Variants in WWOX observed in about 807,000 individuals in gnomAD.
WWOX encodes WW domain containing oxidoreductase.
In WWOX, 69 loss-of-function variants were observed where a neutral mutation model predicts 46.2. The ratio of observed to expected loss-of-function variants is 1.49; its 90% confidence interval spans 1.23 to 1.82. The LOEUF (loss-of-function observed/expected upper bound fraction) is 1.82. WWOX is among the 40% of genes most tolerant of loss of function. The pLI, the probability that WWOX is intolerant of heterozygous loss-of-function variation, is 0.00. For missense variants in WWOX, 919 were observed against 542.6 expected, an observed-to-expected ratio of 1.69 and a Z score of -6.89; for synonymous variants, 359 against 202.6, an observed-to-expected ratio of 1.77 and a Z score of -6.56.
intron 8 of WWOX, among the ~76,000 whole-genome samples, chr16:78,647,650 AG>A (rs1452580866): frequency 2.0e-5 from 3 of 152,236 alleles, no homozygotes; most frequent in Non-Finnish European, 4.4e-5. Flanking sequence ...GAGTGCTGAC[AG>A]GCACATCAAC....
chr16:78,659,426 G>A (rs954054268), intron 8 of WWOX, among the ~76,000 whole-genome samples: 1 of 151,936 alleles, frequency 6.6e-6, no homozygotes, highest in Non-Finnish European at 1.5e-5. Flanking sequence ...GCCCCACCCC[G>A]CCAGACTTCC....
At chr16:78,919,632 C>T (rs1421905249) in intron 8 of WWOX, among the ~76,000 whole-genome samples, 3 of 151,658 alleles carry the variant, frequency 2.0e-5, no homozygotes, top group Non-Finnish European at 2.9e-5. Context: ...ATTCTCCTGC[C>T]TCATGCTCCC....
At chr16:78,812,735 T>C (rs1012940776) in intron 8 of WWOX, among the ~76,000 whole-genome samples, 1 of 147,830 alleles carries the variant, frequency 6.8e-6, no homozygotes, top group Admixed American at 6.8e-5. Flanking sequence ...TCCCACCCCC[T>C]AAAAAAAAAA....
intron 8 of WWOX, among the ~76,000 whole-genome samples, chr16:78,718,423 G>A (rs772696758): frequency 6.6e-6 from 1 of 151,840 alleles, no homozygotes; most frequent in South Asian, 2.1e-4. Context: ...ATGTTTTTTT[G>A]CTCACTTGAG....
intron 8 of WWOX, among the ~76,000 whole-genome samples, chr16:78,809,887 C>G (rs940507093): frequency 7.9e-5 from 12 of 152,164 alleles, no homozygotes; most frequent in African/African-American, 2.7e-4. Context: ...TATGAGCTTT[C>G]CCTCCTCCCG....
At chr16:78,727,903 G>A (rs1209108785) in intron 8 of WWOX, among the ~76,000 whole-genome samples, 1 of 151,982 alleles carries the variant, frequency 6.6e-6, no homozygotes. Context: ...ACCCAAAATA[G>A]CATTTGTTTA....
intron 8 of WWOX, among the ~76,000 whole-genome samples, chr16:79,123,925 C>A (rs930747934): frequency 6.6e-6 from 1 of 152,160 alleles, no homozygotes; most frequent in African/African-American, 2.4e-5. Flanking sequence ...CCTGGGTCTC[C>A]TGCTGTATCA....
chr16:78,621,738 G>A (rs890814707), intron 8 of WWOX, among the ~76,000 whole-genome samples: 1 of 150,964 alleles, frequency 6.6e-6, no homozygotes, highest in Non-Finnish European at 1.5e-5. Flanking sequence ...CGGAGTAGCT[G>A]GGACTACAGG....
chr16:79,173,018 C>G (rs1257207067), intron 8 of WWOX, among the ~76,000 whole-genome samples: 1 of 152,200 alleles, frequency 6.6e-6, no homozygotes, highest in Non-Finnish European at 1.5e-5. Flanking sequence ...AAGACCCCAT[C>G]TCTAAATAAG....
At chr16:78,756,539 A>C (rs1412104306) in intron 8 of WWOX, among the ~76,000 whole-genome samples, 3 of 152,190 alleles carry the variant, frequency 2.0e-5, no homozygotes, top group Admixed American at 6.5e-5. Context: ...GAAAAGTTGG[A>C]AGAAGGAATT....
chr16:78,626,104 G>T (rs200626915), intron 8 of WWOX, among the ~76,000 whole-genome samples: 1 of 151,462 alleles, frequency 6.6e-6, no homozygotes, highest in African/African-American at 2.4e-5. Flanking sequence ...TGTGTTCCAG[G>T]AGCCCATCCA....
intron 6 of WWOX, among the ~76,000 whole-genome samples, chr16:78,420,655 T>G (rs1028971539): frequency 2.0e-5 from 3 of 151,806 alleles, no homozygotes; most frequent in African/African-American, 7.2e-5. Flanking sequence ...TTGCTAATTT[T>G]TTTTTTTTTT....
intron 8 of WWOX, among the ~76,000 whole-genome samples, chr16:78,849,364 G>T (rs1597717532): frequency 6.6e-6 from 1 of 151,146 alleles, no homozygotes; most frequent in African/African-American, 2.4e-5. Flanking sequence ...GAGGTCGGGA[G>T]ATCGAGACTA....
chr16:78,438,904 A>G (rs2083388500), intron 8 of WWOX, among the ~76,000 whole-genome samples: 1 of 152,202 alleles, frequency 6.6e-6, no homozygotes, highest in African/African-American at 2.4e-5. Context: ...AACCTTCGTG[A>G]AAGCCAAACG....
At chr16:78,507,746 C>G (rs1214167676) in intron 8 of WWOX, among the ~76,000 whole-genome samples, 1 of 152,148 alleles carries the variant, frequency 6.6e-6, no homozygotes, top group Non-Finnish European at 1.5e-5. Flanking sequence ...GAAACACAGT[C>G]TTACTGTGCC....
chr16:79,198,019 G>A (rs574603704), intron 8 of WWOX, among the ~76,000 whole-genome samples: 1 of 152,226 alleles, frequency 6.6e-6, no homozygotes, highest in South Asian at 2.1e-4. Context: ...AAAATCTGAG[G>A]AACAAGAGCA....
chr16:79,202,061 T>C (rs1332870059), intron 8 of WWOX, among the ~76,000 whole-genome samples: 1 of 152,232 alleles, frequency 6.6e-6, no homozygotes, highest in Non-Finnish European at 1.5e-5. Context: ...GTGCCTTTTT[T>C]TTTATAAATA....
At chr16:78,368,930 T>C (rs9923918) in intron 5 of WWOX, among the ~76,000 whole-genome samples, 151,355 of 152,294 alleles carry the variant, frequency 0.99, 75,247 homozygotes, top group Middle Eastern at 1. Context: ...CGACTGTCAG[T>C]TGCTCTCTAC....
At chr16:78,715,734 C>A (rs1052250826) in intron 8 of WWOX, among the ~76,000 whole-genome samples, 8 of 152,182 alleles carry the variant, frequency 5.3e-5, no homozygotes, top group Non-Finnish European at 1.2e-4. Context: ...ACCTTGGCCT[C>A]CCCAAATTCT....
Sources: allele counts gnomAD v4.1 joint callset (sites outside exome capture counted in the v4.1 genomes callset), GRCh38; gene constraint gnomAD v4.1.1; transcripts MANE v1.5; gene names NCBI Gene and HGNC (gene_info 2026-07-23, HGNC 2026-07-21).